Variants in GTPBP4 observed in about 807,000 individuals in gnomAD.
GTPBP4 encodes the protein GTP-binding protein 4.
GTPBP4 carries 15 observed loss-of-function variants against 81.7 expected under a neutral mutation model. The observed-to-expected ratio is 0.18, with a 90% CI of 0.12 to 0.28. GTPBP4 has a LOEUF of 0.28. Ranked by LOEUF, GTPBP4 falls within the 10% of genes least tolerant of loss-of-function variation. The pLI is 1.00. For synonymous variants in GTPBP4, 272 were observed against 274.6 expected (o/e 0.99, Z 0.09); for missense variants, 847 against 793.8 (o/e 1.07, Z -0.81).
intron 8 of GTPBP4, among the ~76,000 whole-genome samples, chr10:1,005,206 C>T (rs551802785): frequency 3.3e-5 from 5 of 152,222 alleles, no homozygotes; most frequent in East Asian, 3.9e-4. Context: ...AGTGCAGTGG[C>T]GTGATCTCTG....
Position 1,000,694 on chromosome 10 carries a change from G to A in GTPBP4, c.672G>A (p.Gly224=). The A allele has an allele frequency of 6.5e-7, 1 of 1,537,030 alleles. No individual in the cohort carries two copies. The highest frequency in any genetic ancestry group is 8.7e-7 in the Non-Finnish European group (1 of 1,143,348). Residue 224 remains glycine (G), a synonymous_variant, in exon 7 of 17, where the codon GGG becomes GGA. Coordinates refer to ENST00000360803, the MANE Select transcript of GTPBP4 (RefSeq NM_012341.3). The stretch of plus-strand genomic sequence containing the variant: ...TGTGTTAGGTTGTAGACACTCCTGG[G>A]ATCCTGGACCACCCTCTGGAGGATA... The part of the protein sequence containing the change: ...YLRWQVVDTP[G]ILDHPLEDRN...
At chr10:1,015,396 G>GGGGTCCT (rs1490768889) in intron 15 of GTPBP4, among the ~76,000 whole-genome samples, 19 of 129,514 alleles carry the variant, frequency 1.5e-4, no homozygotes, top group African/African-American at 3.8e-4. Context: ...GCCTGGGAGT[G>GGGGTCCT]GACCTGGGGT....
At chr10:992,339 G>T (rs1019766610) in intron 1 of GTPBP4, 150 bp from the exon 2 acceptor site, 4 of 525,756 alleles carry the variant, frequency 7.6e-6, no homozygotes, top group Non-Finnish European at 1.4e-5. Context: ...GGCGGAGCTT[G>T]CAGTGAGCCG....
intron 5 of GTPBP4, among the ~76,000 whole-genome samples, chr10:998,769 G>T (rs1374910924): frequency 6.6e-6 from 1 of 152,204 alleles, no homozygotes; most frequent in Non-Finnish European, 1.5e-5. Context: ...ACTTGGGAGG[G>T]TGAGGGGAGG....
chr10:995,789 A>G, intron 2 of GTPBP4, 140 bp from the exon 3 acceptor site: 1 of 608,924 alleles, frequency 1.6e-6, no homozygotes, highest in Non-Finnish European at 3.0e-6. Context: ...GACTAAATAG[A>G]CAGGGCCCCT....
intron 13 of GTPBP4, among the ~76,000 whole-genome samples, chr10:1,010,922 C>CCTGTATCT (rs1564470685): frequency 7.3e-5 from 11 of 150,960 alleles, no homozygotes; most frequent in African/African-American, 1.7e-4. Context: ...CCTTCCCCAC[C>CCTGTATCT]CCGAGACTCT....
intron 8 of GTPBP4, among the ~76,000 whole-genome samples, chr10:1,003,136 A>G (rs1831668201): frequency 8.8e-6 from 1 of 113,908 alleles, no homozygotes; most frequent in African/African-American, 3.5e-5. Flanking sequence ...CTGACTAGGT[A>G]GTTTCAAATG....
At position 1,000,823 on chromosome 10, in the gene GTPBP4, G is replaced by A. The variant is rs1831616660; in HGVS notation, c.801G>A (p.Glu267=). 3.1e-6 allele frequency: 5 copies of A among 1,610,724 alleles called. No individual in the cohort carries two copies. The highest frequency in any genetic ancestry group is 1.1e-5 in the South Asian group (1 of 90,448). ...AGCAGTGTGGGCATGGGCTGAGGGA[G>A]CAGCTAGAACTCTTCCAGAACATCA... ...LSEQCGHGLR[E]QLELFQNIRP... is the part of the protein sequence containing the mutation. The change falls in exon 7 of 17, where the codon GAG becomes GAA. Residue 267 remains glutamate (E), a synonymous_variant. Transcript: ENST00000360803.
At position 999,016 on chromosome 10, in the gene GTPBP4, A is replaced by T; in HGVS notation, c.575A>T (p.Asp192Val). The T allele has an allele frequency of 6.3e-7, 1 of 1,598,176 alleles. No individual in the cohort carries two copies. The highest frequency in any genetic ancestry group is 8.6e-7 in the Non-Finnish European group (1 of 1,165,364). Residue 192 changes from aspartate to valine, a missense_variant, in exon 6 of 17, where the codon GAC (aspartate) becomes GTC (valine). By Grantham distance (152) the Asp-to-Val change is radical (BLOSUM62 -3). Around this residue, in one of 3 missense-constraint regions of GTPBP4, gnomAD observed 600 missense variants for 557.1 expected, o/e 1.08. Transcript: ENST00000360803. The stretch of plus-strand genomic sequence containing the variant: ...CACTTGTTCCAGGTGACGAGAGCAG[A>T]CGTGGATGTCCAGCCCTATGCGTTC... ...SSFINKVTRADVDVQPYAFTT... is the reference protein window; with the variant it reads ...SSFINKVTRAVVDVQPYAFTT...
intron 5 of GTPBP4, 39 bp downstream of exon 5, chr10:997,347 AT>A: frequency 9.3e-7 from 1 of 1,072,264 alleles, no homozygotes; most frequent in Non-Finnish European, 1.5e-6. Flanking sequence ...TCATCTGACT[AT>A]TTTACGTCAG....
chr10:990,366 G>A (rs1028858369), intron 1 of GTPBP4, among the ~76,000 whole-genome samples: 2 of 152,064 alleles, frequency 1.3e-5, no homozygotes, highest in South Asian at 2.1e-4. Flanking sequence ...CCTGTGCATC[G>A]GGTACTGTGT....
At chr10:1,012,415 A>G (rs2132173352) in intron 13 of GTPBP4, 50 bp from the exon 14 acceptor site, 1 of 1,278,174 alleles carries the variant, frequency 7.8e-7, no homozygotes. Context: ...TCACTGACTC[A>G]GGGGTTTTCT....
chr10:1,011,045 G>GGAGA (rs1564470786), intron 13 of GTPBP4, among the ~76,000 whole-genome samples: 56 of 55,656 alleles, frequency 1.0e-3, no homozygotes, highest in Admixed American at 3.8e-3. Context: ...GGGCTCTGCT[G>GGAGA]TGCTGGGCCC....
In GTPBP4 at chr10:1,019,429, G is replaced by GT. The variant is rs1195804800; in HGVS notation, c.*2208dup. 3.4e-5 allele frequency: 37 copies of GT among 1,088,756 alleles called. No homozygotes were observed. The highest frequency in any genetic ancestry group is 4.6e-5 in the Non-Finnish European group (35 of 769,022). The allele number at this position is 1,088,756 out of a possible 1,614,324, so 67.4% of individuals were successfully genotyped here. A position where few individuals can be genotyped will look rare whatever the true frequency, so the allele number is the denominator to read the frequency against. On this transcript the variant is annotated 3_prime_UTR_variant, in exon 17 of 17. Coordinates refer to ENST00000360803, the MANE Select transcript of GTPBP4 (RefSeq NM_012341.3). ...GGCAATCAAGTGCCCCTTTTGCCCT[G>GT]TTTTTTGGAGAGGGTGTATCATTGC...
chr10:997,579 C>T (rs965974365), intron 5 of GTPBP4, among the ~76,000 whole-genome samples: 47 of 152,236 alleles, frequency 3.1e-4, no homozygotes, highest in African/African-American at 1.1e-3. Context: ...ATTTATATTA[C>T]TATTACAGAA....
chr10:1,011,706 CA>C (rs200210476), intron 13 of GTPBP4, among the ~76,000 whole-genome samples: 1,734 of 152,366 alleles, frequency 0.011, 34 homozygotes, highest in African/African-American at 0.039. Flanking sequence ...CTGGGGGCAA[CA>C]ATCTCAATTT....
Position 1,019,387 on chromosome 10 carries a change from G to A in GTPBP4, c.*2160G>A, listed in dbSNP as rs149879492. 2.6e-3 allele frequency: 1,635 copies of A among 621,316 alleles called. 3 individuals carry two copies. Among genetic ancestry groups the A allele is most frequent in the Non-Finnish European group, 3.8e-3 (1,369 of 363,678 alleles). The allele number at this position is 621,316 out of a possible 1,614,324, so 38.5% of individuals were successfully genotyped here. ...CAAAGTTGATGAAAAGGTTGAAATA[G>A]TGATTTATACATGATGGGCAATCAA... On this transcript the variant is annotated 3_prime_UTR_variant, in exon 17 of 17. Coordinates refer to ENST00000360803, the MANE Select transcript of GTPBP4 (RefSeq NM_012341.3).
rs115692823 is a variant in GTPBP4, at chr10:1,015,363, G to A, written c.1609-390G>A. On this transcript the variant is annotated intron_variant, in intron 15 of 16. Transcript: ENST00000360803. ...CATGCCTGTCGCTGAGCCTGGGTGC[G>A]GGGCTGGGGTCCTGAGCTCTGAGCC... 7.5e-3 allele frequency among the ~76,000 whole-genome samples: 1,045 copies of A among 139,480 alleles called. 33 individuals carry two copies. The highest frequency in any genetic ancestry group is 0.029 in the African/African-American group (974 of 33,594). 91.5% of individuals were successfully genotyped at this position (139,480 alleles called of 152,430 possible). A position where few individuals can be genotyped will look rare whatever the true frequency, so the allele number is the denominator to read the frequency against.
At chr10:992,447 G>T in intron 1 of GTPBP4, 42 bp from the exon 2 acceptor site, 6 of 1,148,998 alleles carry the variant, frequency 5.2e-6, no homozygotes, top group East Asian at 2.4e-5. Flanking sequence ...CTCAAAAGTA[G>T]ACCCTTTTGA....
Sources: gnomAD v4.1 joint callset for allele counts (sites outside exome capture counted in the v4.1 genomes callset) on GRCh38, gnomAD v4.1.1 for gene constraint, gnomAD v4.1.1 regional missense constraint, MANE v1.5 for transcripts, NCBI Gene and HGNC (gene_info 2026-07-23, HGNC 2026-07-21) for gene names.